Variants in MMD2 observed in about 807,000 individuals in gnomAD.
MMD2 encodes monocyte to macrophage differentiation associated 2.
Under a neutral mutation model 33.5 loss-of-function variants are expected in MMD2, and 30 were observed. The observed-to-expected ratio is 0.90, with a 90% CI of 0.67 to 1.22. The LOEUF (loss-of-function observed/expected upper bound fraction) is 1.22, where lower values mean the gene tolerates loss of function less well. MMD2 is among the 50% of genes most tolerant of loss of function. The probability of loss-of-function intolerance (pLI) is 0.00; values close to 1 mark genes in which losing one functional copy is unlikely to be tolerated. For synonymous variants in MMD2, 129 were observed against 123.0 expected, an observed-to-expected ratio of 1.05 and a Z score of -0.32; for missense variants, 364 against 325.4, an observed-to-expected ratio of 1.12 and a Z score of -0.91.
At chr7:4,951,492 C>G (rs1009155311) in intron 1 of MMD2, among the ~76,000 whole-genome samples, 1 of 152,110 alleles carries the variant, frequency 6.6e-6, no homozygotes, top group Non-Finnish European at 1.5e-5. Context: ...TGGAAAACTC[C>G]TATTCATCCT....
At chr7:4,917,630 T>C (rs1455348750) in intron 3 of MMD2, among the ~76,000 whole-genome samples, 9 of 151,744 alleles carry the variant, frequency 5.9e-5, no homozygotes, top group Non-Finnish European at 5.9e-5. Context: ...AGGCGGAGCT[T>C]GCAGTGAGCC....
intron 3 of MMD2, among the ~76,000 whole-genome samples, chr7:4,917,426 C>T (rs1455696484): frequency 2.6e-5 from 4 of 152,144 alleles, no homozygotes; most frequent in Non-Finnish European, 5.9e-5. Flanking sequence ...CTTTGGGAGG[C>T]CAAGGTGGGT....
intron 2 of MMD2, among the ~76,000 whole-genome samples, chr7:4,924,080 T>A (rs558294061): frequency 9.5e-4 from 144 of 152,222 alleles, no homozygotes; most frequent in Non-Finnish European, 1.9e-3. Flanking sequence ...TAGTCCCAGC[T>A]ACTCGGGAGG....
At chr7:4,931,509 G>A (rs1406192719) in intron 1 of MMD2, among the ~76,000 whole-genome samples, 1 of 151,982 alleles carries the variant, frequency 6.6e-6, no homozygotes, top group East Asian at 1.9e-4. Flanking sequence ...CTGGAGTGCA[G>A]TGGTGTGATC....
intron 5 of MMD2, among the ~76,000 whole-genome samples, chr7:4,910,456 C>G (rs907299539): frequency 1.3e-5 from 2 of 151,980 alleles, no homozygotes; most frequent in African/African-American, 4.8e-5. Context: ...TGTTTCTTTC[C>G]CCACTGAATT....
Position 4,911,231 on chromosome 7 carries a change from C to G in MMD2, c.381G>C (p.Glu127Asp). 5 of 1,593,648 alleles carry G rather than the reference C, an allele frequency of 3.1e-6. No individual in the cohort carries two copies. Among genetic ancestry groups the G allele is most frequent in the Non-Finnish European group, 3.4e-6 (4 of 1,170,658 alleles). ...GCATGTGGGAGGCCCAGGGGCCCAG[C>G]TCCCGAAGGTTCAGCCTGGGAGAGA... ...ASYAPWLNLR[E>D]LGPWASHMRW... The change falls in exon 5 of 7, where the codon GAG (glutamate) becomes GAC (aspartate). Residue 127 changes from glutamate to aspartate, a missense_variant. Transcript: ENST00000401401.
At chr7:4,930,452 T>C (rs10256032) in intron 1 of MMD2, among the ~76,000 whole-genome samples, 111,792 of 150,988 alleles carry the variant, frequency 0.74, 41,744 homozygotes, top group East Asian at 0.99. Flanking sequence ...CCAGCCTGGC[T>C]AACACGGCAA....
chr7:4,893,163 G>T, the MMD2 span, among the ~76,000 whole-genome samples: 3 of 152,048 alleles, frequency 2.0e-5, no homozygotes, highest in Non-Finnish European at 2.9e-5. Context: ...GACCCTTGCA[G>T]CTGCCTTGAG....
At chr7:4,895,098 A>G in the MMD2 span, among the ~76,000 whole-genome samples, 1 of 128,342 alleles carries the variant, frequency 7.8e-6, no homozygotes. Context: ...TTTTTTTCTG[A>G]GACAGAGTCT....
Position 4,920,230 on chromosome 7 carries a change from G to A in MMD2, c.231C>T (p.Cys77=), listed in dbSNP as rs753399816. The change falls in exon 3 of 7, where the codon TGC becomes TGT. Residue 77 remains cysteine, a synonymous_variant. Transcript: ENST00000401401. ...ACACAGTGGACACCACGAAGAGGCC[G>A]CAGAGGCCGAGGCCGTAGATCCAGG... ...ISAWIYGLGL[C]GLFVVSTVFH... The A allele has an allele frequency of 1.6e-5, 26 of 1,588,534 alleles. No homozygotes were observed. The highest frequency in any genetic ancestry group is 5.4e-5 in the Admixed American group (3 of 55,496).
rs1785892130 is a variant in MMD2, at chr7:4,940,983, A to G, written c.48-15451T>C. Among the ~76,000 whole-genome samples, 1 of 152,096 alleles carries G rather than the reference A, an allele frequency of 6.6e-6. No individual in the cohort carries two copies. The highest frequency in any genetic ancestry group is 2.1e-4 in the South Asian group (1 of 4,820). On this transcript the variant is annotated intron_variant, in intron 1 of 6. Coordinates refer to ENST00000401401, the MANE Select transcript of MMD2 (RefSeq NM_198403.4). This position sits in a 1 kb window ranked among gnomAD's most constrained non-coding sequence, Gnocchi z 5.0. ...GAGAAGGGTCCGTATCTCCAAAGCT[A>G]GGACCATCTCCCAGCCTCAGGAGGC... is the stretch of plus-strand genomic sequence containing the variant.
intron 1 of MMD2, among the ~76,000 whole-genome samples, chr7:4,939,490 C>T (rs1011342572): frequency 6.6e-6 from 1 of 152,068 alleles, no homozygotes; most frequent in Admixed American, 6.6e-5. Context: ...CAACAGTGAG[C>T]TATGATCATG....
intron 2 of MMD2, among the ~76,000 whole-genome samples, chr7:4,922,581 C>T (rs949850694): frequency 6.6e-6 from 1 of 152,026 alleles, no homozygotes; most frequent in African/African-American, 2.4e-5. Flanking sequence ...AATATATATA[C>T]ATTTTTTTTT....
intron 1 of MMD2, among the ~76,000 whole-genome samples, chr7:4,931,926 G>A (rs138171683): frequency 2.0e-5 from 3 of 152,252 alleles, no homozygotes; most frequent in African/African-American, 7.2e-5. Flanking sequence ...GCCAATTTAC[G>A]CTTCCCACCA....
At chr7:4,916,226 G>T (rs1389670719) in intron 3 of MMD2, 147 bp from the exon 4 acceptor site, 3 of 660,180 alleles carry the variant, frequency 4.5e-6, no homozygotes, top group Non-Finnish European at 5.3e-6. Flanking sequence ...TTGGCCCTCA[G>T]AATCCCCATC....
rs371214621 is a variant in MMD2 at position 4,940,570 on chromosome 7, C to T, written c.48-15038G>A. ...CGTGCTAAGCCTCTCTCCCCCTCTCCGCTTGGCCCTGGCCGCTTCTTTGTG... is the reference window on the plus strand; with the variant it reads ...CGTGCTAAGCCTCTCTCCCCCTCTCTGCTTGGCCCTGGCCGCTTCTTTGTG... On this transcript the variant is annotated intron_variant, in intron 1 of 6. Coordinates refer to ENST00000401401, the MANE Select transcript of MMD2 (RefSeq NM_198403.4). This position sits in a 1 kb window ranked among gnomAD's most constrained non-coding sequence, Gnocchi z 5.0. 3.9e-5 allele frequency among the ~76,000 whole-genome samples: 6 copies of T among 152,242 alleles called. No individual in the cohort carries two copies. Among genetic ancestry groups the T allele is most frequent in the Non-Finnish European group, 7.3e-5 (5 of 68,040 alleles).
In MMD2 at chr7:4,959,097, C is replaced by CAGCAGG; in HGVS notation, c.-86_-81dup. Reference sequence around the variant, plus strand: ...AGCCTGGGGGGCGCGGCGGCGGCAGCAGCAGGTTGGAGGGCGCGCGGCGGG... The same window carrying CAGCAGG: ...AGCCTGGGGGGCGCGGCGGCGGCAGCAGCAGGAGCAGGTTGGAGGGCGCGCGGCGGG... On this transcript the variant is annotated 5_prime_UTR_variant, in exon 1 of 7. Transcript: ENST00000401401. 1 of 1,182,926 alleles carries CAGCAGG rather than the reference C, an allele frequency of 8.5e-7. No individual in the cohort carries two copies. Among genetic ancestry groups the CAGCAGG allele is most frequent in the Non-Finnish European group, 1.1e-6 (1 of 934,874 alleles). 73.3% of individuals were successfully genotyped at this position (1,182,926 alleles called of 1,614,324 possible).
intron 3 of MMD2, among the ~76,000 whole-genome samples, chr7:4,919,836 C>T (rs773204339): frequency 3.9e-5 from 6 of 152,104 alleles, no homozygotes; most frequent in Non-Finnish European, 8.8e-5. Flanking sequence ...GCGGAGGTTG[C>T]AATGAGCTGA....
chr7:4,921,013 A>C (rs1785269708), intron 2 of MMD2, among the ~76,000 whole-genome samples: 1 of 152,146 alleles, frequency 6.6e-6, no homozygotes, highest in South Asian at 2.1e-4. Flanking sequence ...CACCATGCCC[A>C]GCCTCAGGTG....
Sources: gnomAD v4.1 joint callset for allele counts (sites outside exome capture counted in the v4.1 genomes callset) on GRCh38, gnomAD v4.1.1 for gene constraint, Gnocchi (gnomAD v3.1) non-coding constraint, MANE v1.5 for transcripts, NCBI Gene and HGNC (gene_info 2026-07-23, HGNC 2026-07-21) for gene names.